The following SLC24A3 variants were observed in gnomAD, a reference collection of about 807,000 sequenced individuals.
The protein encoded by SLC24A3 is solute carrier family 24 member 3.
Under a neutral mutation model 75.8 loss-of-function variants are expected in SLC24A3, and 28 were observed. That is an observed-to-expected ratio of 0.37 (90% CI 0.27 to 0.51). SLC24A3 has a LOEUF of 0.51. Among genes scored for constraint, SLC24A3 ranks in the 20% least tolerant of loss-of-function variants. The pLI is 0.94. For synonymous variants in SLC24A3, 372 were observed against 334.1 expected (o/e 1.11, Z -1.24); for missense variants, 663 against 847.8 (o/e 0.78, Z 2.71).
chr20:19,430,517 TG>T (rs1036379796), intron 2 of SLC24A3, among the ~76,000 whole-genome samples: 1 of 152,162 alleles, frequency 6.6e-6, no homozygotes, highest in African/African-American at 2.4e-5. Context: ...AGTTTATTTA[TG>T]TGGAATTTAA....
chr20:19,498,428 C>T (rs11697518), intron 2 of SLC24A3, among the ~76,000 whole-genome samples: 1 of 152,072 alleles, frequency 6.6e-6, no homozygotes. Context: ...CTCTGGATGG[C>T]TGTGCCCCTC....
intron 3 of SLC24A3, among the ~76,000 whole-genome samples, chr20:19,561,215 G>A (rs892405775): frequency 6.6e-6 from 1 of 152,140 alleles, no homozygotes; most frequent in Non-Finnish European, 1.5e-5. Context: ...AAAGAAATTG[G>A]CTATGGCTCT....
intron 1 of SLC24A3, among the ~76,000 whole-genome samples, chr20:19,277,229 G>A (rs1298747468): frequency 1.3e-5 from 2 of 152,140 alleles, no homozygotes; most frequent in Non-Finnish European, 2.9e-5. Context: ...TAACCTCTCT[G>A]CCTATCAATT....
chr20:19,512,025 A>C (rs1321911057), intron 2 of SLC24A3, among the ~76,000 whole-genome samples: 1 of 152,196 alleles, frequency 6.6e-6, no homozygotes, highest in Admixed American at 6.5e-5. Flanking sequence ...GGAGGCCCAC[A>C]GTGCTGGCCG....
At chr20:19,213,652 T>G (rs1448903833) in intron 1 of SLC24A3, among the ~76,000 whole-genome samples, 1 of 152,250 alleles carries the variant, frequency 6.6e-6, no homozygotes, top group Non-Finnish European at 1.5e-5. Context: ...TGGTTTGCAG[T>G]GGACCACGCA....
intron 2 of SLC24A3, among the ~76,000 whole-genome samples, chr20:19,441,495 T>A (rs1987299079): frequency 6.6e-6 from 1 of 152,178 alleles, no homozygotes. Context: ...AATGTTTATT[T>A]GAGATACTTT....
intron 15 of SLC24A3, among the ~76,000 whole-genome samples, chr20:19,710,146 G>T (rs1893263421): frequency 6.6e-6 from 1 of 152,202 alleles, no homozygotes; most frequent in South Asian, 2.1e-4. Flanking sequence ...TTCCAAGTTA[G>T]AAATAAATTA....
chr20:19,640,002 C>T (rs2032056118), intron 6 of SLC24A3, among the ~76,000 whole-genome samples: 1 of 152,226 alleles, frequency 6.6e-6, no homozygotes, highest in South Asian at 2.1e-4. Flanking sequence ...CCCTGATTCC[C>T]GCTGGCGCCT....
At chr20:19,366,938 G>A (rs1985902242) in intron 2 of SLC24A3, among the ~76,000 whole-genome samples, 3 of 152,104 alleles carry the variant, frequency 2.0e-5, no homozygotes. Context: ...TCCTCGAGTG[G>A]CTCAACCCCA....
chr20:19,379,334 A>G (rs1986142597), intron 2 of SLC24A3, among the ~76,000 whole-genome samples: 1 of 152,126 alleles, frequency 6.6e-6, no homozygotes, highest in Non-Finnish European at 1.5e-5. Flanking sequence ...GGGGTGGTAG[A>G]GGTGGAGAAT....
intron 7 of SLC24A3, among the ~76,000 whole-genome samples, chr20:19,665,100 C>T (rs2032381885): frequency 6.6e-6 from 1 of 152,190 alleles, no homozygotes; most frequent in African/African-American, 2.4e-5. Flanking sequence ...GCCGTGTATT[C>T]TCTCTGTATT....
chr20:19,403,229 T>A (rs1162154339), intron 2 of SLC24A3, among the ~76,000 whole-genome samples: 2 of 152,176 alleles, frequency 1.3e-5, no homozygotes, highest in Admixed American at 1.3e-4. Context: ...CATCTGAAGG[T>A]ACATGGGATT....
intron 6 of SLC24A3, among the ~76,000 whole-genome samples, chr20:19,587,084 T>A (rs2031308713): frequency 6.6e-6 from 1 of 152,224 alleles, no homozygotes; most frequent in Non-Finnish European, 1.5e-5. Flanking sequence ...CAGAAGAGTC[T>A]GTCGCTGTTA....
chr20:19,463,595 A>G (rs988351995), intron 2 of SLC24A3, among the ~76,000 whole-genome samples: 1 of 152,244 alleles, frequency 6.6e-6, no homozygotes, highest in Non-Finnish European at 1.5e-5. Flanking sequence ...GCCATCAGTC[A>G]GTTACAGTGG....
intron 11 of SLC24A3, 61 bp downstream of exon 11, chr20:19,684,397 A>G (rs2032649427): frequency 2.0e-6 from 3 of 1,531,308 alleles, no homozygotes; most frequent in Admixed American, 2.0e-5. Context: ...TGGGAAGGAG[A>G]GAAGGTTTCT....
intron 6 of SLC24A3, among the ~76,000 whole-genome samples, chr20:19,631,791 A>T (rs199602001): frequency 0.02 from 2,912 of 147,954 alleles, 119 homozygotes; most frequent in African/African-American, 0.068. Flanking sequence ...TATGAGTGAG[A>T]GTGTGTGTGT....
chr20:19,359,815 G>A (rs1985754421), intron 2 of SLC24A3, among the ~76,000 whole-genome samples: 1 of 152,146 alleles, frequency 6.6e-6, no homozygotes, highest in Non-Finnish European at 1.5e-5. Context: ...GTAATCCCAG[G>A]AAACACCCAT....
chr20:19,296,831 A>G (rs1984072874), intron 2 of SLC24A3, among the ~76,000 whole-genome samples: 1 of 152,222 alleles, frequency 6.6e-6, no homozygotes, highest in East Asian at 1.9e-4. Context: ...TTTAAAATCA[A>G]TCACATAATT....
At chr20:19,649,066 CTT>C (rs761255849) in intron 6 of SLC24A3, among the ~76,000 whole-genome samples, 6 of 152,218 alleles carry the variant, frequency 3.9e-5, no homozygotes, top group Non-Finnish European at 7.3e-5. Flanking sequence ...AGTGATTTGA[CTT>C]TCTTCCCTGC....
Sources: allele counts gnomAD v4.1 joint callset (sites outside exome capture counted in the v4.1 genomes callset), GRCh38; gene constraint gnomAD v4.1.1; transcripts MANE v1.5; gene names NCBI Gene and HGNC (gene_info 2026-07-23, HGNC 2026-07-21).